TTC13: variants seen among roughly 807,000 people sequenced by gnomAD.
The protein encoded by TTC13 is tetratricopeptide repeat protein 13.
A neutral mutation model predicts 120.0 loss-of-function variants in TTC13; 62 were observed. That is an observed-to-expected ratio of 0.52 (90% CI 0.42 to 0.64). The LOEUF (loss-of-function observed/expected upper bound fraction) is 0.64, where lower values mean the gene tolerates loss of function less well. Ranked by LOEUF, TTC13 falls within the 30% of genes least tolerant of loss-of-function variation. The probability of loss-of-function intolerance (pLI) is 0.00; values close to 1 mark genes in which losing one functional copy is unlikely to be tolerated. For missense variants in TTC13, 824 were observed against 1,050.2 expected (o/e 0.78, Z 2.98); for synonymous variants, 384 against 393.5 (o/e 0.98, Z 0.28).
chr1:230,945,691 C>T (rs1254670200), intron 4 of TTC13, among the ~76,000 whole-genome samples: 2 of 152,156 alleles, frequency 1.3e-5, no homozygotes, highest in African/African-American at 4.8e-5. Context: ...AGGGAACCAA[C>T]ATTACGCAGA....
chr1:230,920,333 T>C (rs1672460280), intron 17 of TTC13, 177 bp downstream of exon 17: 1 of 444,318 alleles, frequency 2.3e-6, no homozygotes, highest in Admixed American at 4.3e-5. Context: ...TCCTCACAAG[T>C]TGTTTTTTCT....
At chr1:230,912,859 C>G in intron 18 of TTC13, 101 bp from the exon 19 acceptor site, 4 of 1,034,776 alleles carry the variant, frequency 3.9e-6, no homozygotes, top group Non-Finnish European at 5.7e-6. Context: ...TGACGTAGCA[C>G]TAAACATATA....
chr1:230,910,053 A>T (rs1049655833), intron 20 of TTC13, among the ~76,000 whole-genome samples: 2 of 152,174 alleles, frequency 1.3e-5, no homozygotes, highest in Non-Finnish European at 2.9e-5. Flanking sequence ...GCTCAAAATA[A>T]AGACAGCTCT....
chr1:230,957,663 A>T lies in TTC13; in HGVS notation c.442+561T>A, dbSNP rs115152431. 6.8e-3 allele frequency among the ~76,000 whole-genome samples: 1,034 copies of T among 152,294 alleles called. 11 individuals carry two copies. The highest frequency in any genetic ancestry group is 0.023 in the African/African-American group (966 of 41,554). ...TTCTTCAAATGTAAACTCACTAGAC[A>T]GCGAGGGAAACACACCCAGTGCATA... On this transcript the variant is annotated intron_variant, in intron 3 of 22. Coordinates refer to ENST00000366661, the MANE Select transcript of TTC13 (RefSeq NM_024525.5).
intron 15 of TTC13, among the ~76,000 whole-genome samples, chr1:230,922,031 G>A (rs920339824): frequency 2.6e-5 from 4 of 152,052 alleles, no homozygotes; most frequent in Non-Finnish European, 5.9e-5. Flanking sequence ...TGACACAGCC[G>A]ACTGCTCCCA....
In TTC13 at chr1:230,929,001, C is replaced by T. The variant is rs1328250118; in HGVS notation, c.1393G>A (p.Ala465Thr). Residue 465 changes from alanine to threonine, a missense_variant, in exon 12 of 23, where the codon GCT becomes ACT. Physicochemically the swap from Ala to Thr is moderately conservative, Grantham distance 58 (BLOSUM62 0). Transcript: ENST00000366661. ...DLPGSFKDHW[A>T]KNLPFLIEDY... Reference sequence around the variant, plus strand: ...TCTATGAGGAAAGGCAAATTTTTAGCCCAGTGGTCCTTAAAGCTTCCAGGC... The same window carrying T: ...TCTATGAGGAAAGGCAAATTTTTAGTCCAGTGGTCCTTAAAGCTTCCAGGC... The T allele has an allele frequency of 1.9e-6, 3 of 1,614,160 alleles. No homozygotes were observed. Among genetic ancestry groups the T allele is most frequent in the Non-Finnish European group, 2.5e-6 (3 of 1,180,016 alleles).
intron 4 of TTC13, among the ~76,000 whole-genome samples, chr1:230,949,552 C>T (rs986694891): frequency 4.6e-5 from 7 of 151,344 alleles, no homozygotes; most frequent in African/African-American, 1.7e-4. Flanking sequence ...CCTCAAGTCA[C>T]CCCATGGTCT....
At chr1:230,933,964 A>T in intron 8 of TTC13, 103 bp from the exon 9 acceptor site, 1 of 622,520 alleles carries the variant, frequency 1.6e-6, no homozygotes, top group Non-Finnish European at 2.5e-6. Flanking sequence ...TCTCTGACAG[A>T]TTTTCTTTTA....
chr1:230,965,367 A>G (rs541990521), intron 1 of TTC13, among the ~76,000 whole-genome samples: 4 of 152,354 alleles, frequency 2.6e-5, no homozygotes, highest in Admixed American at 1.3e-4. Context: ...GGCATATGAA[A>G]AGGTGGTCAA....
intron 1 of TTC13, among the ~76,000 whole-genome samples, chr1:230,972,065 T>G (rs541951925): frequency 6.6e-6 from 1 of 152,318 alleles, no homozygotes; most frequent in South Asian, 2.1e-4. Context: ...AGGGAAGAGT[T>G]GCAAGAGAAG....
rs959527450 is a variant in TTC13, at chr1:230,978,819, G to T, written c.12C>A (p.Ala4=). The change falls in exon 1 of 23, where the codon GCC becomes GCA. Residue 4 remains alanine (A), a synonymous_variant. Transcript: ENST00000366661. The surrounding 1 kb of genome is among the most constrained non-coding windows in gnomAD (Gnocchi z 5.6). ...AGAAGCAGCAGCAGCAGCAGCAGCC[G>T]GCAGGTGCCATCTTCCCTCAAGGCG... is the stretch of plus-strand genomic sequence containing the variant. MAP[A]GCCCCCCFWG... 3 of 1,482,682 alleles carry T rather than the reference G, an allele frequency of 2.0e-6. No individual in the cohort carries two copies. Among genetic ancestry groups the T allele is most frequent in the South Asian group, 1.3e-5 (1 of 77,708 alleles). 91.8% of individuals were successfully genotyped at this position (1,482,682 alleles called of 1,614,324 possible).
intron 5 of TTC13, 130 bp downstream of exon 5, chr1:230,945,259 C>T: frequency 1.2e-6 from 1 of 847,548 alleles, no homozygotes; most frequent in Non-Finnish European, 2.0e-6. Context: ...ATTTTCTCAT[C>T]TGTGAACTGG....
chr1:230,943,148 T>C (rs1384976996), intron 6 of TTC13, among the ~76,000 whole-genome samples: 1 of 152,248 alleles, frequency 6.6e-6, no homozygotes, highest in Non-Finnish European at 1.5e-5. Flanking sequence ...ACATATACAG[T>C]AAATATTATG....
chr1:230,940,223 A>G lies in TTC13; in HGVS notation c.789+217T>C, dbSNP rs928951303. 2.0e-5 allele frequency among the ~76,000 whole-genome samples: 3 copies of G among 152,246 alleles called. No individual in the cohort carries two copies. Among genetic ancestry groups the G allele is most frequent in the African/African-American group, 7.2e-5 (3 of 41,460 alleles). On this transcript the variant is annotated intron_variant, in intron 7 of 22. Transcript: ENST00000366661. The surrounding 1 kb of genome is among the most constrained non-coding windows in gnomAD (Gnocchi z 4.1). ...TTTTTTTAAATGCCAGTCCAGAATT[A>G]GTTATTGCTGACAGCTCAAACAAGA...
At chr1:230,976,743 T>C (rs1232484889) in intron 1 of TTC13, among the ~76,000 whole-genome samples, 1 of 152,220 alleles carries the variant, frequency 6.6e-6, no homozygotes, top group African/African-American at 2.4e-5. Context: ...AGCTTCATGA[T>C]ACAGTGTTCA....
chr1:230,913,082 C>T (rs918229007), intron 18 of TTC13, among the ~76,000 whole-genome samples: 1 of 151,994 alleles, frequency 6.6e-6, no homozygotes, highest in Non-Finnish European at 1.5e-5. Context: ...TTTAAATAAC[C>T]AGTAAATATT....
At chr1:230,966,421 CTCTT>C (rs1480521308) in intron 1 of TTC13, among the ~76,000 whole-genome samples, 1 of 147,848 alleles carries the variant, frequency 6.8e-6, no homozygotes, top group Non-Finnish European at 1.5e-5. Context: ...AAAATTTGAT[CTCTT>C]TATTTAAATA....
intron 12 of TTC13, among the ~76,000 whole-genome samples, chr1:230,926,300 C>T (rs1358470492): frequency 6.6e-6 from 1 of 152,010 alleles, no homozygotes; most frequent in African/African-American, 2.4e-5. Context: ...CTGGAGGAAA[C>T]CAGTCACAAG....
At chr1:230,937,283 T>C (rs1674154565) in intron 8 of TTC13, among the ~76,000 whole-genome samples, 1 of 152,194 alleles carries the variant, frequency 6.6e-6, no homozygotes, top group Non-Finnish European at 1.5e-5. Context: ...AGTAACAATG[T>C]TAAAAGTGAA....
Sources: allele counts gnomAD v4.1 joint callset (sites outside exome capture counted in the v4.1 genomes callset), GRCh38; gene constraint gnomAD v4.1.1; non-coding constraint Gnocchi (gnomAD v3.1); transcripts MANE v1.5; gene names NCBI Gene and HGNC (gene_info 2026-07-23, HGNC 2026-07-21).